Variants in P3H2 observed in about 807,000 individuals in gnomAD.
P3H2 encodes leprecan-like 1.
A neutral mutation model predicts 87.0 loss-of-function variants in P3H2; 80 were observed. The ratio of observed to expected loss-of-function variants is 0.92; its 90% CI spans 0.77 to 1.11. The LOEUF is 1.11. P3H2 is among the 50% of genes least tolerant of loss of function. P3H2 has a pLI of 0.00. For synonymous variants in P3H2, 367 were observed against 359.3 expected (o/e 1.02, Z -0.24); for missense variants, 1,001 against 923.9 (o/e 1.08, Z -1.08).
intron 1 of P3H2, among the ~76,000 whole-genome samples, chr3:190,021,979 A>C (rs1724938136): frequency 7.4e-6 from 1 of 135,148 alleles, no homozygotes; most frequent in African/African-American, 2.6e-5. Flanking sequence ...CATTCAACAA[A>C]TATGTAATGA....
At chr3:190,100,784 T>C (rs900136774) in intron 1 of P3H2, among the ~76,000 whole-genome samples, 2 of 152,138 alleles carry the variant, frequency 1.3e-5, no homozygotes, top group African/African-American at 4.8e-5. Flanking sequence ...ATGGTGTTTT[T>C]GAAGTATGTA....
chr3:189,963,942 C>G lies in P3H2; in HGVS notation c.2034+16G>C. On this transcript the variant is annotated intron_variant, in intron 14 of 14. Coordinates refer to ENST00000319332, the MANE Select transcript of P3H2 (RefSeq NM_018192.4). Reference sequence around the variant, plus strand: ...AAGCAAGCCTAATTGGCTTTCTGGGCGGGTGAGAAACTCACCAATTCTCTA... The same window carrying G: ...AAGCAAGCCTAATTGGCTTTCTGGGGGGGTGAGAAACTCACCAATTCTCTA... 6.2e-7 allele frequency: 1 copy of G among 1,613,838 alleles called. No homozygotes were observed.
intron 1 of P3H2, among the ~76,000 whole-genome samples, chr3:190,084,895 G>A (rs1727160473): frequency 6.6e-6 from 1 of 151,352 alleles, no homozygotes; most frequent in Non-Finnish European, 1.5e-5. Flanking sequence ...TCATAGCTCT[G>A]TACCTAAGGG....
At chr3:190,023,563 A>G (rs1724997445) in intron 1 of P3H2, among the ~76,000 whole-genome samples, 1 of 152,210 alleles carries the variant, frequency 6.6e-6, no homozygotes, top group Non-Finnish European at 1.5e-5. Context: ...TCAGGAGAAC[A>G]GCATGGGGAA....
rs540044980 is a variant in P3H2, at chr3:190,087,536, TAC to T, written c.480+32714_480+32715del. Among the ~76,000 whole-genome samples, 775 of 102,902 alleles carry T rather than the reference TAC, an allele frequency of 7.5e-3. 2 individuals are homozygous for T. Among genetic ancestry groups the T allele is most frequent in the African/African-American group, 0.026 (654 of 25,070 alleles). The allele number at this position is 102,902 out of a possible 152,430, so 67.5% of individuals were successfully genotyped here. ...TCCAGCCTGGGCGACAGAGCAAGAC[TAC>T]ATCTCAAAAAAAAAAAAAAAAAAAA... On this transcript the variant is annotated intron_variant, in intron 1 of 14. Transcript: ENST00000319332.
intron 1 of P3H2, among the ~76,000 whole-genome samples, chr3:190,052,438 T>C (rs373167719): frequency 6.6e-6 from 1 of 152,160 alleles, no homozygotes; most frequent in African/African-American, 2.4e-5. Flanking sequence ...TTAAAGCATA[T>C]TTCTTTTAAA....
chr3:190,097,191 T>C (rs1031511685), intron 1 of P3H2, among the ~76,000 whole-genome samples: 7 of 152,324 alleles, frequency 4.6e-5, no homozygotes, highest in African/African-American at 1.2e-4. Context: ...CTCACTGTAA[T>C]TCTCACCATT....
chr3:190,048,710 G>A (rs1479694481), intron 1 of P3H2, among the ~76,000 whole-genome samples: 8 of 152,036 alleles, frequency 5.3e-5, no homozygotes, highest in East Asian at 1.9e-4. Context: ...TTAACTTTTC[G>A]GTGGACTATA....
At chr3:190,034,858 T>A (rs577038592) in intron 1 of P3H2, among the ~76,000 whole-genome samples, 1 of 151,336 alleles carries the variant, frequency 6.6e-6, no homozygotes, top group Admixed American at 6.6e-5. Flanking sequence ...CTTTTCTTTT[T>A]TTTTTTTTGA....
chr3:190,068,046 A>C (rs933173305), intron 1 of P3H2, among the ~76,000 whole-genome samples: 5 of 152,098 alleles, frequency 3.3e-5, no homozygotes, highest in African/African-American at 1.2e-4. Flanking sequence ...TTTTAAGTCA[A>C]ATTTATGCTT....
intron 1 of P3H2, among the ~76,000 whole-genome samples, chr3:190,037,271 G>T (rs1017339918): frequency 2.6e-5 from 4 of 151,880 alleles, no homozygotes; most frequent in Non-Finnish European, 1.5e-5. Context: ...TTCCCTAAAA[G>T]GAGAAGCAAA....
intron 1 of P3H2, among the ~76,000 whole-genome samples, chr3:190,101,469 T>C (rs1207797198): frequency 1.4e-5 from 2 of 145,196 alleles, no homozygotes; most frequent in African/African-American, 2.8e-5. Flanking sequence ...ACTGCTGATA[T>C]GGAGAAAGCT....
At chr3:190,081,381 A>G (rs1430586995) in intron 1 of P3H2, among the ~76,000 whole-genome samples, 1 of 152,194 alleles carries the variant, frequency 6.6e-6, no homozygotes, top group African/African-American at 2.4e-5. Context: ...GTTACCATCA[A>G]CCCTAAAGTA....
At chr3:190,078,397 G>A (rs111757197) in intron 1 of P3H2, among the ~76,000 whole-genome samples, 13 of 152,156 alleles carry the variant, frequency 8.5e-5, no homozygotes, top group African/African-American at 2.7e-4. Flanking sequence ...AAAACTTACA[G>A]GTTACTATTA....
intron 1 of P3H2, among the ~76,000 whole-genome samples, chr3:190,076,180 T>TGC (rs897862176): frequency 1.7e-4 from 25 of 150,358 alleles, no homozygotes; most frequent in African/African-American, 4.4e-4. Flanking sequence ...CAAACACACA[T>TGC]GCACACACAC....
At chr3:190,004,451 C>A (rs1033801215) in intron 1 of P3H2, among the ~76,000 whole-genome samples, 3 of 152,052 alleles carry the variant, frequency 2.0e-5, no homozygotes, top group Admixed American at 6.5e-5. Flanking sequence ...GGCGGGATCT[C>A]GGCTCACTGC....
At chr3:189,986,636 G>A (rs902313364) in intron 6 of P3H2, 152 bp downstream of exon 6, 11 of 656,430 alleles carry the variant, frequency 1.7e-5, no homozygotes, top group Non-Finnish European at 2.5e-5. Context: ...CATATATTGA[G>A]TAAATATCTC....
At chr3:190,080,476 C>T (rs987182760) in intron 1 of P3H2, among the ~76,000 whole-genome samples, 2 of 152,076 alleles carry the variant, frequency 1.3e-5, no homozygotes, top group Non-Finnish European at 2.9e-5. Context: ...CCTTGGCTCA[C>T]CGCAACCTCT....
In P3H2 at chr3:190,120,348, G is replaced by T; in HGVS notation, c.384C>A (p.Leu128=). Residue 128 remains leucine, a synonymous_variant, in exon 1 of 15, where the codon CTC becomes CTA. Coordinates refer to ENST00000319332, the MANE Select transcript of P3H2 (RefSeq NM_018192.4). ...RCYRSCETQR[L]GGPASRHRVS... is the part of the protein sequence containing the mutation. ...CGCGGTGGCGGGATGCGGGGCCCCC[G>T]AGGCGCTGGGTCTCACAGCTGCGAT... 1 of 1,580,776 alleles carries T rather than the reference G, an allele frequency of 6.3e-7. No homozygotes were observed. The highest frequency in any genetic ancestry group is 2.3e-5 in the East Asian group (1 of 43,572).
Sources: allele counts gnomAD v4.1 joint callset (sites outside exome capture counted in the v4.1 genomes callset), GRCh38; gene constraint gnomAD v4.1.1; transcripts MANE v1.5; gene names NCBI Gene and HGNC (gene_info 2026-07-23, HGNC 2026-07-21).